The following NFIB variants were observed in gnomAD, a reference collection of about 807,000 sequenced individuals.
NFIB encodes nuclear factor 1 B-type.
NFIB carries 11 observed loss-of-function variants against 61.5 expected under a neutral mutation model. The ratio of observed to expected loss-of-function variants is 0.18; its 90% CI spans 0.11 to 0.30. NFIB has a LOEUF of 0.30. Ranked by LOEUF, NFIB falls within the 10% of genes least tolerant of loss-of-function variation. The probability of loss-of-function intolerance (pLI) is 1.00; values close to 1 mark genes in which losing one functional copy is unlikely to be tolerated. For synonymous variants in NFIB, 260 were observed against 216.5 expected (o/e 1.20, Z -1.76); for missense variants, 471 against 608.9 (o/e 0.77, Z 2.38).
chr9:14,446,687 T>C, the NFIB span, among the ~76,000 whole-genome samples: 1 of 152,258 alleles, frequency 6.6e-6, no homozygotes, highest in Admixed American at 6.5e-5. Context: ...ACACTAACAA[T>C]ATCCGGGCCC....
intron 6 of NFIB, among the ~76,000 whole-genome samples, chr9:14,142,192 C>T (rs1188243812): frequency 1.3e-5 from 2 of 152,134 alleles, no homozygotes; most frequent in Non-Finnish European, 2.9e-5. Context: ...ACAATTCCCA[C>T]GTGACATGGG....
chr9:14,374,242 T>C (rs1030450606), intron 1 of NFIB, among the ~76,000 whole-genome samples: 6 of 152,264 alleles, frequency 3.9e-5, no homozygotes, highest in Non-Finnish European at 7.3e-5. Flanking sequence ...TTTTCTTTTA[T>C]TCAGGCTTTT....
intron 2 of NFIB, among the ~76,000 whole-genome samples, chr9:14,269,259 T>A (rs2057430701): frequency 6.6e-6 from 1 of 152,208 alleles, no homozygotes; most frequent in South Asian, 2.1e-4. Flanking sequence ...CATTTGCCAA[T>A]AAAAAGACAA....
At chr9:14,110,399 T>A (rs1275582615) in intron 10 of NFIB, among the ~76,000 whole-genome samples, 2 of 152,098 alleles carry the variant, frequency 1.3e-5, no homozygotes, top group Non-Finnish European at 2.9e-5. Flanking sequence ...ATCATGTATA[T>A]TAAAGGCTAT....
chr9:14,458,325 G>A, the NFIB span, among the ~76,000 whole-genome samples: 5 of 152,166 alleles, frequency 3.3e-5, no homozygotes, highest in Non-Finnish European at 7.4e-5. Flanking sequence ...TGCCCTTCAT[G>A]CTAAAAACTC....
chr9:14,370,815 C>T (rs1405251984), intron 1 of NFIB, among the ~76,000 whole-genome samples: 1 of 152,256 alleles, frequency 6.6e-6, no homozygotes, highest in African/African-American at 2.4e-5. Context: ...AATGTCCAGG[C>T]TGGGCACAGT....
chr9:14,449,321 C>A, the NFIB span, among the ~76,000 whole-genome samples: 1 of 152,144 alleles, frequency 6.6e-6, no homozygotes, highest in Non-Finnish European at 1.5e-5. Context: ...ATTGAGAGAG[C>A]TAAAACCTAC....
At position 14,116,305 on chromosome 9, in the gene NFIB, A is replaced by G. The variant is rs1229328266; in HGVS notation, c.1287T>C (p.His429=). The G allele has an allele frequency of 2.6e-6, 4 of 1,537,688 alleles. No individual in the cohort carries two copies. The part of the protein sequence containing the change: ...SGQVVGKVPG[H]FTPVLAPSPH... ...GAGAGGGTGCCAAGACAGGAGTGAA[A>G]TGGCCAGGCACTTTCCCTACTACTT... The change falls in exon 9 of 11, where the codon CAT becomes CAC. Residue 429 remains histidine (H), a synonymous_variant. Transcript: ENST00000380953.
At chr9:14,189,590 T>A (rs1587454749) in intron 2 of NFIB, among the ~76,000 whole-genome samples, 1 of 112,864 alleles carries the variant, frequency 8.9e-6, no homozygotes, top group South Asian at 2.8e-4. Flanking sequence ...GTACTCCTCC[T>A]CCCCCTCCTA....
At chr9:14,171,226 G>A (rs1169327097) in intron 3 of NFIB, among the ~76,000 whole-genome samples, 2 of 152,164 alleles carry the variant, frequency 1.3e-5, no homozygotes, top group Non-Finnish European at 2.9e-5. Context: ...TTTAAATGCT[G>A]CTCAAGCCTT....
At chr9:14,526,839 A>G in the NFIB span, among the ~76,000 whole-genome samples, 1 of 152,150 alleles carries the variant, frequency 6.6e-6, no homozygotes, top group Non-Finnish European at 1.5e-5. Context: ...AGAAGAGATA[A>G]CTCTCCTTGA....
intron 10 of NFIB, among the ~76,000 whole-genome samples, chr9:14,106,973 C>G (rs956719474): frequency 3.3e-5 from 5 of 151,888 alleles, no homozygotes; most frequent in Non-Finnish European, 4.4e-5. Context: ...TACCTTCTCA[C>G]TTTTTTTTCT....
At chr9:14,421,095 A>AAT in the NFIB span, among the ~76,000 whole-genome samples, 2 of 152,006 alleles carry the variant, frequency 1.3e-5, no homozygotes, top group African/African-American at 4.8e-5. Flanking sequence ...AAAAAAAAAA[A>AAT]AAATAAGGCA....
At chr9:14,467,715 G>A in the NFIB span, among the ~76,000 whole-genome samples, 2 of 152,002 alleles carry the variant, frequency 1.3e-5, no homozygotes, top group Non-Finnish European at 2.9e-5. Flanking sequence ...ACCTACCATA[G>A]GCCAAGCTCT....
At chr9:14,377,756 C>A (rs961152233) in intron 1 of NFIB, among the ~76,000 whole-genome samples, 1 of 152,138 alleles carries the variant, frequency 6.6e-6, no homozygotes, top group African/African-American at 2.4e-5. Flanking sequence ...TGCCCAGGCC[C>A]CAAATGTAGA....
At chr9:14,229,544 T>A (rs117484771) in intron 2 of NFIB, among the ~76,000 whole-genome samples, 2,705 of 152,306 alleles carry the variant, frequency 0.018, 24 homozygotes, top group Non-Finnish European at 0.029. Context: ...AAATAATGTA[T>A]GTAAAGTTTG....
intron 6 of NFIB, among the ~76,000 whole-genome samples, chr9:14,130,820 T>C (rs938577730): frequency 6.6e-6 from 1 of 152,184 alleles, no homozygotes; most frequent in Non-Finnish European, 1.5e-5. Flanking sequence ...AAAATAACCA[T>C]AGCCAGTATA....
At chr9:14,426,397 A>G in the NFIB span, among the ~76,000 whole-genome samples, 1 of 152,194 alleles carries the variant, frequency 6.6e-6, no homozygotes. Flanking sequence ...TTGTTGGATT[A>G]TAAGTGAACT....
intron 2 of NFIB, among the ~76,000 whole-genome samples, chr9:14,300,463 A>C (rs550077647): frequency 1.3e-5 from 2 of 152,298 alleles, no homozygotes; most frequent in East Asian, 1.9e-4. Context: ...TCAAACTGGA[A>C]AATGCTATTC....
Sources: allele counts gnomAD v4.1 joint callset (sites outside exome capture counted in the v4.1 genomes callset), GRCh38; gene constraint gnomAD v4.1.1; transcripts MANE v1.5; gene names NCBI Gene and HGNC (gene_info 2026-07-23, HGNC 2026-07-21).